The following ASCC3 variants were observed in gnomAD, a reference collection of about 807,000 sequenced individuals.
The protein encoded by ASCC3 is ASC-1 complex subunit P200.
ASCC3 carries 158 observed loss-of-function variants against 256.3 expected under a neutral mutation model. That is an observed-to-expected ratio of 0.62 (90% CI 0.54 to 0.70). The LOEUF is 0.70. ASCC3 is among the 30% of genes least tolerant of loss of function. The pLI is 0.00. For missense variants in ASCC3, 2,259 were observed against 2,626.0 expected (o/e 0.86, Z 3.05); for synonymous variants, 948 against 883.4 (o/e 1.07, Z -1.30).
intron 8 of ASCC3, among the ~76,000 whole-genome samples, chr6:100,774,211 G>A (rs1037758168): frequency 2.6e-5 from 4 of 152,112 alleles, no homozygotes; most frequent in Admixed American, 6.5e-5. Context: ...AGGCTGAAGC[G>A]CAGTGGAGCA....
At chr6:100,588,573 A>G (rs1031148367) in intron 36 of ASCC3, among the ~76,000 whole-genome samples, 1 of 152,116 alleles carries the variant, frequency 6.6e-6, no homozygotes, top group Non-Finnish European at 1.5e-5. Flanking sequence ...TATATACTTT[A>G]GTCCTCTATT....
intron 37 of ASCC3, chr6:100,530,876 G>T: frequency 7.8e-7 from 1 of 1,284,884 alleles, no homozygotes; most frequent in Non-Finnish European, 1.1e-6. Context: ...ATAAATTTTT[G>T]TGGAACATCA....
At chr6:100,637,182 G>C (rs567768201) in intron 25 of ASCC3, among the ~76,000 whole-genome samples, 2 of 152,234 alleles carry the variant, frequency 1.3e-5, no homozygotes, top group East Asian at 3.9e-4. Flanking sequence ...CTGGTGACTT[G>C]AAGTTGAAGC....
intron 4 of ASCC3, among the ~76,000 whole-genome samples, chr6:100,832,639 A>C (rs571762151): frequency 3.3e-5 from 5 of 152,238 alleles, no homozygotes; most frequent in African/African-American, 1.2e-4. Flanking sequence ...CAGTGGTTGG[A>C]AGAAGCATTC....
At chr6:100,775,445 C>T (rs982512533) in intron 8 of ASCC3, among the ~76,000 whole-genome samples, 1 of 152,004 alleles carries the variant, frequency 6.6e-6, no homozygotes, top group African/African-American at 2.4e-5. Flanking sequence ...CAAGTCTACC[C>T]TGCTAATAAA....
At chr6:100,550,443 AAT>A (rs1042370847) in intron 36 of ASCC3, among the ~76,000 whole-genome samples, 1 of 152,130 alleles carries the variant, frequency 6.6e-6, no homozygotes, top group Non-Finnish European at 1.5e-5. Flanking sequence ...CATCTTTCTA[AAT>A]ATGTTTCTAG....
chr6:100,724,058 C>T (rs1332271299), intron 11 of ASCC3, among the ~76,000 whole-genome samples: 1 of 145,566 alleles, frequency 6.9e-6, no homozygotes. Context: ...TGGCAAGTGA[C>T]GGAGTCTTAG....
At chr6:100,661,323 T>TCGCACACA (rs1435976050) in intron 16 of ASCC3, among the ~76,000 whole-genome samples, 4 of 141,620 alleles carry the variant, frequency 2.8e-5, no homozygotes, top group East Asian at 4.1e-4. Flanking sequence ...AACACAAAAG[T>TCGCACACA]CACACACACA....
rs564253156 is a variant in ASCC3 at position 100,551,291 on chromosome 6, G to A, written c.5551-10904C>T. Among the ~76,000 whole-genome samples, 19 of 152,002 alleles carry A rather than the reference G, an allele frequency of 1.2e-4. No homozygotes were observed. The South Asian group carries it at 3.7e-3, about 30-fold the overall frequency. The stretch of plus-strand genomic sequence containing the variant: ...TATGAAGCTCTGCAGTCTAGCGGGG[G>A]AGCCAGACCTTAATCAAAGATAATC... On this transcript the variant is annotated intron_variant, in intron 36 of 41. Coordinates refer to ENST00000369162, the MANE Select transcript of ASCC3 (RefSeq NM_006828.4).
chr6:100,599,212 A>G (rs1772467498), intron 34 of ASCC3, among the ~76,000 whole-genome samples: 1 of 152,214 alleles, frequency 6.6e-6, no homozygotes, highest in Non-Finnish European at 1.5e-5. Flanking sequence ...TAGGACCAGC[A>G]GAGAAGAACC....
At chr6:100,670,440 C>T (rs1776685128) in intron 14 of ASCC3, among the ~76,000 whole-genome samples, 1 of 151,882 alleles carries the variant, frequency 6.6e-6, no homozygotes, top group Non-Finnish European at 1.5e-5. Flanking sequence ...TACTTTAAAT[C>T]ATCTCTAGAT....
At chr6:100,669,942 T>C (rs1009670451) in intron 14 of ASCC3, among the ~76,000 whole-genome samples, 14 of 152,066 alleles carry the variant, frequency 9.2e-5, no homozygotes, top group African/African-American at 3.1e-4. Context: ...AGTAGGTGTA[T>C]GGCTTTTATA....
At chr6:100,666,854 C>CA (rs1377080368) in intron 14 of ASCC3, among the ~76,000 whole-genome samples, 53 of 148,708 alleles carry the variant, frequency 3.6e-4, no homozygotes, top group African/African-American at 1.1e-3. Context: ...CACTAACAGA[C>CA]AAAAAAAAAG....
At chr6:100,622,903 A>G (rs1032651343) in intron 30 of ASCC3, among the ~76,000 whole-genome samples, 14 of 152,150 alleles carry the variant, frequency 9.2e-5, no homozygotes, top group Middle Eastern at 3.4e-3. Context: ...AACAACAACA[A>G]CAAAAAGAAA....
intron 2 of ASCC3, among the ~76,000 whole-genome samples, chr6:100,866,591 A>C (rs1773490390): frequency 6.6e-6 from 1 of 152,226 alleles, no homozygotes; most frequent in South Asian, 2.1e-4. Context: ...GGGGGTGATT[A>C]AGTTAAAGCC....
At chr6:100,673,577 C>G (rs1043269052) in intron 14 of ASCC3, among the ~76,000 whole-genome samples, 1 of 151,852 alleles carries the variant, frequency 6.6e-6, no homozygotes, top group Admixed American at 6.6e-5. Flanking sequence ...ACAAAAGAAA[C>G]AAGGATAAAA....
At chr6:100,541,294 A>T (rs1239306109) in intron 36 of ASCC3, among the ~76,000 whole-genome samples, 2 of 139,452 alleles carry the variant, frequency 1.4e-5, no homozygotes, top group Non-Finnish European at 3.1e-5. Flanking sequence ...CCAAAAAATT[A>T]AAAAAAAAAA....
chr6:100,582,079 G>C (rs1027624390), intron 36 of ASCC3, among the ~76,000 whole-genome samples: 1 of 151,468 alleles, frequency 6.6e-6, no homozygotes, highest in Non-Finnish European at 1.5e-5. Context: ...GCTCTTTTTT[G>C]GTTCCATATG....
intron 16 of ASCC3, among the ~76,000 whole-genome samples, chr6:100,659,536 A>T (rs1433075340): frequency 6.6e-6 from 1 of 151,532 alleles, no homozygotes; most frequent in Non-Finnish European, 1.5e-5. Flanking sequence ...TAGCTAGCTG[A>T]CATTCCTGAA....
Sources: allele counts gnomAD v4.1 joint callset (sites outside exome capture counted in the v4.1 genomes callset), GRCh38; gene constraint gnomAD v4.1.1; transcripts MANE v1.5; gene names NCBI Gene and HGNC (gene_info 2026-07-23, HGNC 2026-07-21).